Variants in TMEM131 observed in about 807,000 individuals in gnomAD.
TMEM131 encodes 2610524E03Rik.
In TMEM131, 66 loss-of-function variants were observed where a neutral mutation model predicts 211.6. That is an observed-to-expected ratio of 0.31 (90% CI 0.26 to 0.38). The LOEUF (loss-of-function observed/expected upper bound fraction) is 0.38, where lower values mean the gene tolerates loss of function less well. TMEM131 is among the 10% of genes least tolerant of loss of function. TMEM131 has a pLI of 1.00. For missense variants in TMEM131, 2,036 were observed against 2,299.3 expected (o/e 0.89, Z 2.34); for synonymous variants, 844 against 841.3 (o/e 1.00, Z -0.06).
intron 1 of TMEM131, among the ~76,000 whole-genome samples, chr2:97,936,948 GAGAA>G (rs1446781894): frequency 4.0e-5 from 6 of 151,608 alleles, no homozygotes; most frequent in African/African-American, 1.4e-4. Flanking sequence ...ATATTAAGAA[GAGAA>G]AGAAATTATT....
rs1421458910 is a variant in TMEM131, at chr2:97,814,079, C to T, written c.1509G>A (p.Leu503=). 3 of 1,604,374 alleles carry T rather than the reference C, an allele frequency of 1.9e-6. No individual in the cohort carries two copies. Among genetic ancestry groups the T allele is most frequent in the Non-Finnish European group, 2.6e-6 (3 of 1,174,666 alleles). ...LPNESGYIFT[L]LFMPSTSSMH... is the part of the protein sequence containing the mutation. Reference sequence around the variant, plus strand: ...TGGATGATGTGGAAGGCATAAAAAGCAGGGTAAAAATGTATCCTGATTCAT... The same window carrying T: ...TGGATGATGTGGAAGGCATAAAAAGTAGGGTAAAAATGTATCCTGATTCAT... The change falls in exon 15 of 41, where the codon CTG becomes CTA. Residue 503 remains leucine (L), a synonymous_variant. Coordinates refer to ENST00000186436, the MANE Select transcript of TMEM131 (RefSeq NM_015348.2).
At chr2:97,776,193 A>G (rs553499749) in intron 31 of TMEM131, among the ~76,000 whole-genome samples, 175 bp from the exon 32 acceptor site, 15 of 152,046 alleles carry the variant, frequency 9.9e-5, no homozygotes, top group Non-Finnish European at 1.5e-4. Context: ...AGCTGGGACT[A>G]CAGGCGCCCG....
intron 33 of TMEM131, among the ~76,000 whole-genome samples, chr2:97,771,375 G>T (rs557386668): frequency 2.6e-5 from 4 of 152,142 alleles, no homozygotes; most frequent in African/African-American, 9.6e-5. Flanking sequence ...TATAATCTAG[G>T]GACAGAGTCT....
intron 38 of TMEM131, 192 bp downstream of exon 38, chr2:97,760,401 G>C (rs561968964): frequency 1.2e-4 from 72 of 607,392 alleles, no homozygotes; most frequent in Middle Eastern, 4.4e-4. Context: ...GACCCCCTGG[G>C]GAAGGCACCG....
At chr2:97,879,779 A>G (rs1314379321) in intron 4 of TMEM131, among the ~76,000 whole-genome samples, 4 of 152,318 alleles carry the variant, frequency 2.6e-5, no homozygotes, top group Non-Finnish European at 4.4e-5. Flanking sequence ...TACAGTACAT[A>G]TAATGCCTAT....
intron 1 of TMEM131, among the ~76,000 whole-genome samples, chr2:97,969,467 C>T (rs747965820): frequency 9.9e-5 from 15 of 152,202 alleles, no homozygotes; most frequent in Non-Finnish European, 1.8e-4. Flanking sequence ...AGACACCTAA[C>T]TGCCTGTATT....
chr2:97,798,658 G>A (rs1476811053), intron 25 of TMEM131, among the ~76,000 whole-genome samples: 1 of 152,230 alleles, frequency 6.6e-6, no homozygotes, highest in Non-Finnish European at 1.5e-5. Context: ...ACAAAAAGTA[G>A]GGCTCTCCAT....
At chr2:97,865,985 C>A (rs188740129) in intron 4 of TMEM131, among the ~76,000 whole-genome samples, 42 of 152,054 alleles carry the variant, frequency 2.8e-4, no homozygotes, top group South Asian at 6.2e-4. Context: ...TGGGTTCACG[C>A]CATTCTCCTG....
intron 5 of TMEM131, among the ~76,000 whole-genome samples, chr2:97,845,224 G>A (rs1468735408): frequency 6.6e-6 from 1 of 152,016 alleles, no homozygotes; most frequent in African/African-American, 2.4e-5. Context: ...GCACCTCCAA[G>A]GACAGATAGA....
intron 7 of TMEM131, among the ~76,000 whole-genome samples, chr2:97,840,363 AGCACCCTTGGG>A (rs1041920299): frequency 6.6e-6 from 1 of 152,234 alleles, no homozygotes; most frequent in Admixed American, 6.5e-5. Context: ...ACAATGAGGC[AGCACCCTTGGG>A]GCACCCTGTT....
chr2:97,795,221 G>T, intron 28 of TMEM131, 106 bp from the exon 29 acceptor site: 1 of 755,872 alleles, frequency 1.3e-6, no homozygotes, highest in Non-Finnish European at 2.0e-6. Flanking sequence ...CAGAATTTGC[G>T]TTTGATACTT....
chr2:97,915,284 T>C (rs1676463551), intron 2 of TMEM131, among the ~76,000 whole-genome samples: 1 of 152,210 alleles, frequency 6.6e-6, no homozygotes. Context: ...TCTATATTTA[T>C]CTTTACATCT....
Position 97,802,743 on chromosome 2 carries a change from A to G in TMEM131, c.2450T>C (p.Ile817Thr), listed in dbSNP as rs368661778. The G allele has an allele frequency of 8.9e-6, 14 of 1,576,264 alleles. No individual in the cohort carries two copies. In the African/African-American group the frequency reaches 1.7e-4, roughly 19 times the overall value. The change falls in exon 23 of 41, where the codon ATA becomes ACA. Residue 817 changes from isoleucine (I) to threonine (T), a missense_variant. Physicochemically the swap from Ile to Thr is moderately conservative, Grantham distance 89 (BLOSUM62 -1). Around this residue, in one of 3 missense-constraint regions of TMEM131, gnomAD observed 1,623 missense variants for 1,805.9 expected, o/e 0.90. Coordinates refer to ENST00000186436, the MANE Select transcript of TMEM131 (RefSeq NM_015348.2). Reference protein sequence around the residue: ...EVNTDLQKNIISKITAELSWP... With the variant: ...EVNTDLQKNITSKITAELSWP... Reference sequence around the variant, plus strand: ...GGAGAGCTCAGCAGTGATTTTTGATATTATATTTTTTTGAAGGTCTGTATT... The same window carrying G: ...GGAGAGCTCAGCAGTGATTTTTGATGTTATATTTTTTTGAAGGTCTGTATT...
At chr2:97,936,950 G>A (rs974806274) in intron 1 of TMEM131, among the ~76,000 whole-genome samples, 1 of 151,942 alleles carries the variant, frequency 6.6e-6, no homozygotes, top group Non-Finnish European at 1.5e-5. Context: ...ATTAAGAAGA[G>A]AAAGAAATTA....
intron 1 of TMEM131, among the ~76,000 whole-genome samples, chr2:97,949,475 T>A (rs1678197755): frequency 6.6e-6 from 1 of 152,148 alleles, no homozygotes; most frequent in South Asian, 2.1e-4. Context: ...ACACTTTAAA[T>A]GTGTGCAGTT....
chr2:97,977,543 A>G (rs1024403327), intron 1 of TMEM131, among the ~76,000 whole-genome samples: 2 of 152,362 alleles, frequency 1.3e-5, no homozygotes, highest in Middle Eastern at 3.4e-3. Context: ...CAAGTCAGGT[A>G]AGTTTTCTTG....
At chr2:97,982,282 T>C (rs1005372477) in intron 1 of TMEM131, among the ~76,000 whole-genome samples, 3 of 152,228 alleles carry the variant, frequency 2.0e-5, no homozygotes, top group African/African-American at 7.2e-5. Context: ...GCTAATGATG[T>C]AGAGCATCTT....
chr2:97,914,525 C>T (rs2104393618), intron 2 of TMEM131, among the ~76,000 whole-genome samples: 1 of 152,336 alleles, frequency 6.6e-6, no homozygotes, highest in South Asian at 2.1e-4. Flanking sequence ...TATAATCACA[C>T]TCATCTTCCT....
Position 97,792,946 on chromosome 2 carries a change from C to G in TMEM131, c.3584G>C (p.Gly1195Ala). The change falls in exon 31 of 41, where the codon GGG becomes GCG. Residue 1195 changes from glycine to alanine, a missense_variant. Physicochemically the swap from Gly to Ala is moderately conservative, Grantham distance 60. Around this residue, in one of 3 missense-constraint regions of TMEM131, gnomAD observed 1,623 missense variants for 1,805.9 expected, o/e 0.90. Transcript: ENST00000186436. ...TGATGAACCGCCTGCTCCACAGAAC[C>G]CCCTACTGTGACCGGGGTCACAGCT... is the stretch of plus-strand genomic sequence containing the variant. ...TLSCDPGHSRGFCGAGGSSSR... is the reference protein window; with the variant it reads ...TLSCDPGHSRAFCGAGGSSSR... 2.5e-6 allele frequency: 4 copies of G among 1,604,664 alleles called. No homozygotes were observed. Among genetic ancestry groups the G allele is most frequent in the Non-Finnish European group, 3.4e-6 (4 of 1,175,854 alleles).
Sources: allele counts gnomAD v4.1 joint callset (sites outside exome capture counted in the v4.1 genomes callset), GRCh38; gene constraint gnomAD v4.1.1; regional missense constraint gnomAD v4.1.1; transcripts MANE v1.5; gene names NCBI Gene and HGNC (gene_info 2026-07-23, HGNC 2026-07-21).